The following NPC1 variants were observed in gnomAD, a reference collection of about 807,000 sequenced individuals.
The protein encoded by NPC1 is Niemann-Pick C1 protein.
NPC1 carries 85 observed loss-of-function variants against 140.4 expected under a neutral mutation model. The observed-to-expected ratio is 0.61, with a 90% CI of 0.51 to 0.72. The LOEUF (loss-of-function observed/expected upper bound fraction) is 0.72, where lower values mean the gene tolerates loss of function less well. Among genes scored for constraint, NPC1 ranks in the 30% least tolerant of loss-of-function variants. NPC1 has a pLI of 0.00. For missense variants in NPC1, 1,504 were observed against 1,623.8 expected (o/e 0.93, Z 1.27); for synonymous variants, 656 against 624.8 (o/e 1.05, Z -0.74).
chr18:23,563,987 G>GTTTTTTTTTTTTTTT (rs71163619), intron 4 of NPC1, among the ~76,000 whole-genome samples: 1 of 102,600 alleles, frequency 9.7e-6, no homozygotes, highest in African/African-American at 4.1e-5. Flanking sequence ...AGTAGTAAGA[G>GTTTTTTTTTTTTTTT]TTTTTTTTTT....
intron 9 of NPC1, among the ~76,000 whole-genome samples, chr18:23,552,227 C>G (rs2058882955): frequency 6.6e-6 from 1 of 152,040 alleles, no homozygotes. Context: ...GAAGCTGAGG[C>G]AGAAGGATGG....
At chr18:23,576,725 G>C (rs539076467) in intron 1 of NPC1, 1 of 158,562 alleles carries the variant, frequency 6.3e-6, no homozygotes, top group African/African-American at 2.4e-5. Context: ...GCAGACCTTC[G>C]CGGTGAGTGT....
rs553422368 is a variant in NPC1, at chr18:23,577,127, C to G, written c.58-3553G>C. Among the ~76,000 whole-genome samples, 31 of 151,324 alleles carry G rather than the reference C, an allele frequency of 2.0e-4. No homozygotes were observed. The East Asian group carries it at 5.7e-3, about 28-fold the overall frequency. The stretch of plus-strand genomic sequence containing the variant: ...ATTAGTTAGATACAGAGTTTCCACA[C>G]ACAGGTTCTCCAAGGCCCCACCAGA... On this transcript the variant is annotated intron_variant, in intron 1 of 24. Transcript: ENST00000269228.
intron 2 of NPC1, among the ~76,000 whole-genome samples, chr18:23,572,479 C>T (rs1268042328): frequency 6.6e-6 from 1 of 152,142 alleles, no homozygotes; most frequent in East Asian, 1.9e-4. Context: ...AACCAGAGTG[C>T]TACTTACTAT....
At chr18:23,540,993 T>G in intron 16 of NPC1, 75 bp downstream of exon 16, 2 of 1,514,240 alleles carry the variant, frequency 1.3e-6, no homozygotes, top group Admixed American at 1.7e-5. Context: ...CTTCCCAGGC[T>G]GTCTGGCTTC....
chr18:23,531,970 G>C lies in NPC1; in HGVS notation c.*232C>G. On this transcript the variant is annotated 3_prime_UTR_variant, in exon 25 of 25. Transcript: ENST00000269228. ...TGCCAAAGAATGAGGTTTCTTTCCTGAAGAGGCTGGGAGAAGTTTAGTGTC... is the reference window on the plus strand; with the variant it reads ...TGCCAAAGAATGAGGTTTCTTTCCTCAAGAGGCTGGGAGAAGTTTAGTGTC... 6.9e-7 allele frequency: 1 copy of C among 1,450,588 alleles called. No individual in the cohort carries two copies. Among genetic ancestry groups the C allele is most frequent in the Non-Finnish European group, 9.0e-7 (1 of 1,109,204 alleles). The allele number at this position is 1,450,588 out of a possible 1,614,324, so 89.9% of individuals were successfully genotyped here.
rs756080478 is a variant in NPC1 at position 23,560,309 on chromosome 18, A to G, written c.803T>C (p.Met268Thr). The change falls in exon 6 of 25, where the codon ATG becomes ACG. Residue 268 changes from methionine to threonine, a missense_variant. Transcript: ENST00000269228. ...GTAGGTGATCCACATGATGACATAC[A>G]TGGCGTCCAAGCCAAGGATCGTCCA... is the stretch of plus-strand genomic sequence containing the variant. ...APWTILGLDA[M>T]YVIMWITYMA... The G allele has an allele frequency of 7.4e-6, 12 of 1,614,238 alleles. No individual in the cohort carries two copies. Among genetic ancestry groups the G allele is most frequent in the East Asian group, 2.2e-5 (1 of 44,892 alleles).
chr18:23,553,608 G>A (rs907360899), intron 9 of NPC1, among the ~76,000 whole-genome samples: 7 of 152,204 alleles, frequency 4.6e-5, no homozygotes, highest in Non-Finnish European at 1.0e-4. Flanking sequence ...TAATTTCTCT[G>A]TTCCCATGCT....
downstream of NPC1, chr18:23,530,375 C>A (rs777820397): frequency 6.2e-7 from 1 of 1,614,004 alleles, no homozygotes; most frequent in Non-Finnish European, 8.5e-7. Context: ...GACTTCTCTC[C>A]CTTACTGCTA....
intron 18 of NPC1, 66 bp downstream of exon 18, chr18:23,539,745 T>C: frequency 1.3e-6 from 2 of 1,531,676 alleles, no homozygotes; most frequent in Non-Finnish European, 1.8e-6. Context: ...ATTTCAGGCC[T>C]GAGCTGACTG....
chr18:23,529,363 G>C (rs146804044), downstream of NPC1: 1,520 of 1,555,372 alleles, frequency 9.8e-4, 1 homozygote, highest in South Asian at 1.3e-3. Context: ...TGCTGAAAAC[G>C]AGGAGACTTC....
intron 4 of NPC1, among the ~76,000 whole-genome samples, chr18:23,564,401 G>A (rs1481614093): frequency 6.6e-6 from 1 of 151,942 alleles, no homozygotes; most frequent in Non-Finnish European, 1.5e-5. Context: ...GGAGTGCGAG[G>A]TACTTAGTGC....
At chr18:23,563,290 T>A (rs1230484397) in intron 4 of NPC1, among the ~76,000 whole-genome samples, 1 of 152,244 alleles carries the variant, frequency 6.6e-6, no homozygotes, top group Non-Finnish European at 1.5e-5. Context: ...ATATCTGAGT[T>A]GTTTCCACAG....
Position 23,573,530 on chromosome 18 carries a change from T to G in NPC1, c.102A>C (p.Ala34=), listed in dbSNP as rs1259307243. The change falls in exon 2 of 25, where the codon GCA becomes GCC. Residue 34 remains alanine, a synonymous_variant. Coordinates refer to ENST00000269228, the MANE Select transcript of NPC1 (RefSeq NM_000271.5). The stretch of plus-strand genomic sequence containing the variant: ...CGCAATTGTACCTCTTGTCCCCATA[T>G]GCAATTCCACACTCTCCATACCAAA... ...SCVWYGECGI[A]YGDKRYNCEY... 4.3e-6 allele frequency: 7 copies of G among 1,614,182 alleles called. No individual in the cohort carries two copies. The highest frequency in any genetic ancestry group is 5.9e-6 in the Non-Finnish European group (7 of 1,180,028).
chr18:23,579,402 A>T (rs1275619353), intron 1 of NPC1, among the ~76,000 whole-genome samples: 2 of 152,200 alleles, frequency 1.3e-5, no homozygotes, highest in African/African-American at 2.4e-5. Context: ...GGATTATCTA[A>T]GTTCAGAAAT....
chr18:23,531,870 ACAGT>A lies in NPC1; in HGVS notation c.*328_*331del. 1.4e-6 allele frequency: 2 copies of A among 1,447,808 alleles called. No homozygotes were observed. Among genetic ancestry groups the A allele is most frequent in the Middle Eastern group, 2.5e-4 (1 of 3,958 alleles). 89.7% of individuals were successfully genotyped at this position (1,447,808 alleles called of 1,614,324 possible). A position where few individuals can be genotyped will look rare whatever the true frequency, so the allele number is the denominator to read the frequency against. On this transcript the variant is annotated 3_prime_UTR_variant, in exon 25 of 25. Transcript: ENST00000269228. ...GGCTTACTCCTAAAAGGAGAGACAG[ACAGT>A]GCATTGATTGGCCTTTACAGAGTGT...
downstream of NPC1, among the ~76,000 whole-genome samples, chr18:23,521,794 TC>T (rs914747885): frequency 6.6e-6 from 1 of 152,090 alleles, no homozygotes; most frequent in Non-Finnish European, 1.5e-5. Context: ...TTCTGAGGCC[TC>T]CCTCCTGGCA....
At chr18:23,520,126 C>T, downstream of NPC1, 1 of 1,097,412 alleles carries the variant, frequency 9.1e-7, no homozygotes. Context: ...ATTTAAACAG[C>T]AAGATGGGAT....
At chr18:23,538,453 T>G (rs1197953110) in intron 20 of NPC1, 89 bp downstream of exon 20, 1 of 1,510,720 alleles carries the variant, frequency 6.6e-7, no homozygotes, top group Non-Finnish European at 9.2e-7. Context: ...GACGTTCCCA[T>G]GCAACTGTCT....
Sources: allele counts gnomAD v4.1 joint callset (sites outside exome capture counted in the v4.1 genomes callset), GRCh38; gene constraint gnomAD v4.1.1; transcripts MANE v1.5; gene names NCBI Gene and HGNC (gene_info 2026-07-23, HGNC 2026-07-21).